ST6GAL1: variants seen among roughly 807,000 people sequenced by gnomAD.
The protein encoded by ST6GAL1 is ST6 beta-galactoside alpha-2,6-sialyltransferase 1.
A neutral mutation model predicts 38.0 loss-of-function variants in ST6GAL1; 20 were observed. The observed-to-expected ratio is 0.53, with a 90% CI of 0.37 to 0.77. ST6GAL1 has a LOEUF of 0.77. Ranked by LOEUF, ST6GAL1 falls within the 30% of genes least tolerant of loss-of-function variation. The probability of loss-of-function intolerance (pLI) is 0.00; values close to 1 mark genes in which losing one functional copy is unlikely to be tolerated. For synonymous variants in ST6GAL1, 196 were observed against 188.2 expected, an observed-to-expected ratio of 1.04 and a Z score of -0.34; for missense variants, 432 against 496.4, an observed-to-expected ratio of 0.87 and a Z score of 1.23.
At chr3:186,987,190 G>GGGAGGGAGGGAA (rs904511689) in intron 2 of ST6GAL1, among the ~76,000 whole-genome samples, 3 of 120,758 alleles carry the variant, frequency 2.5e-5, no homozygotes, top group Non-Finnish European at 5.2e-5. Context: ...CAGGGAGGGA[G>GGGAGGGAGGGAA]GGAGGGAGGG....
chr3:187,009,719 A>C (rs2108557820), intron 2 of ST6GAL1, among the ~76,000 whole-genome samples: 1 of 152,326 alleles, frequency 6.6e-6, no homozygotes, highest in South Asian at 2.1e-4. Context: ...ATCGTGACCC[A>C]TTGTGGCTGG....
At chr3:187,034,902 C>T (rs1260587026) in intron 2 of ST6GAL1, among the ~76,000 whole-genome samples, 5 of 152,100 alleles carry the variant, frequency 3.3e-5, no homozygotes, top group African/African-American at 1.2e-4. Context: ...AAGTGCTGTC[C>T]AGAGCAATCA....
chr3:187,071,555 C>T (rs995640094), intron 5 of ST6GAL1, among the ~76,000 whole-genome samples: 1 of 151,808 alleles, frequency 6.6e-6, no homozygotes, highest in African/African-American at 2.4e-5. Context: ...CGAGACCATC[C>T]TGGCTAACAA....
Position 186,945,715 on chromosome 3 carries a change from G to A in ST6GAL1, c.-325+14881G>A, listed in dbSNP as rs371614607. 3.1e-4 allele frequency among the ~76,000 whole-genome samples: 47 copies of A among 152,172 alleles called. 1 individual carries two copies. In the South Asian group the frequency reaches 9.8e-3, roughly 32 times the overall value. Reference sequence around the variant, plus strand: ...AAGTGTACCTTTTCCGGCTGGGCACGGTGGCTCATGCCTGTAATCTCAGCA... The same window carrying A: ...AAGTGTACCTTTTCCGGCTGGGCACAGTGGCTCATGCCTGTAATCTCAGCA... On this transcript the variant is annotated intron_variant, in intron 1 of 7. Coordinates refer to ENST00000169298, the MANE Select transcript of ST6GAL1 (RefSeq NM_173216.2).
At chr3:187,004,180 A>G (rs1716708727) in intron 2 of ST6GAL1, among the ~76,000 whole-genome samples, 1 of 152,200 alleles carries the variant, frequency 6.6e-6, no homozygotes, top group South Asian at 2.1e-4. Context: ...ACCTTCCACC[A>G]TAACTAAAAG....
At chr3:187,002,093 T>C (rs1716639931) in intron 2 of ST6GAL1, among the ~76,000 whole-genome samples, 1 of 152,200 alleles carries the variant, frequency 6.6e-6, no homozygotes, top group Non-Finnish European at 1.5e-5. Context: ...TTTTCTGTTA[T>C]GGTGTATTTT....
chr3:187,043,085 G>A lies in ST6GAL1; in HGVS notation c.382G>A (p.Gly128Arg), dbSNP rs2108580511. ...GAACAAGTACAAAGTGTCCTACAAG[G>A]GGCCAGGACCAGGCATCAAGTTCAG... ...SMNKYKVSYK[G>R]PGPGIKFSAE... Residue 128 changes from glycine to arginine, a missense_variant, in exon 4 of 8, where the codon GGG becomes AGG. By Grantham distance (125) the Gly-to-Arg change is moderately radical. Transcript: ENST00000169298. 6.2e-7 allele frequency: 1 copy of A among 1,614,194 alleles called. No individual in the cohort carries two copies. The highest frequency in any genetic ancestry group is 8.5e-7 in the Non-Finnish European group (1 of 1,180,034).
At chr3:187,002,778 T>C (rs1047972911) in intron 2 of ST6GAL1, among the ~76,000 whole-genome samples, 1 of 152,236 alleles carries the variant, frequency 6.6e-6, no homozygotes, top group Non-Finnish European at 1.5e-5. Context: ...TATGTGTGTG[T>C]GCATAATTAC....
intron 1 of ST6GAL1, among the ~76,000 whole-genome samples, chr3:186,931,886 A>T (rs1036803741): frequency 1.3e-5 from 2 of 152,160 alleles, no homozygotes; most frequent in Non-Finnish European, 2.9e-5. Flanking sequence ...CGAGGTCCGG[A>T]AAAAGAGAAC....
chr3:186,951,990 G>A (rs765532817), intron 1 of ST6GAL1, among the ~76,000 whole-genome samples: 4 of 152,188 alleles, frequency 2.6e-5, no homozygotes, highest in African/African-American at 4.8e-5. Flanking sequence ...ACTACTGTAT[G>A]AGTCCATGTT....
At chr3:186,948,841 GT>G (rs1714477911) in intron 1 of ST6GAL1, 1 of 152,584 alleles carries the variant, frequency 6.6e-6, no homozygotes, top group African/African-American at 2.4e-5. Flanking sequence ...ATGATGACTG[GT>G]TTCTCTGCAC....
At chr3:187,074,429 G>A (rs1217104012) in intron 7 of ST6GAL1, 96 bp downstream of exon 7, 7 of 1,330,102 alleles carry the variant, frequency 5.3e-6, no homozygotes, top group Admixed American at 2.9e-5. Context: ...TTGTTCATTT[G>A]TTCACTAAAC....
At chr3:187,021,506 G>A (rs1012184680) in intron 2 of ST6GAL1, among the ~76,000 whole-genome samples, 7 of 151,898 alleles carry the variant, frequency 4.6e-5, no homozygotes, top group South Asian at 2.1e-4. Flanking sequence ...TTGGGAGGCC[G>A]AGGTGGGTGG....
chr3:187,020,460 C>T (rs1322762794), intron 2 of ST6GAL1, among the ~76,000 whole-genome samples: 2 of 152,328 alleles, frequency 1.3e-5, no homozygotes, highest in East Asian at 3.9e-4. Flanking sequence ...AATTTGGTAA[C>T]ATCTATAAGA....
chr3:187,028,025 G>A (rs1717606421), intron 2 of ST6GAL1, among the ~76,000 whole-genome samples: 1 of 152,194 alleles, frequency 6.6e-6, no homozygotes, highest in African/African-American at 2.4e-5. Context: ...AGATCGTGGA[G>A]GTCCTTGTGA....
At chr3:187,045,990 A>G (rs1450436354) in intron 4 of ST6GAL1, among the ~76,000 whole-genome samples, 4 of 152,212 alleles carry the variant, frequency 2.6e-5, no homozygotes, top group African/African-American at 7.2e-5. Context: ...GAACGTTGAT[A>G]GTCACAATAA....
intron 5 of ST6GAL1, among the ~76,000 whole-genome samples, chr3:187,059,722 T>C (rs1475524028): frequency 6.6e-6 from 1 of 152,230 alleles, no homozygotes; most frequent in Non-Finnish European, 1.5e-5. Flanking sequence ...ACCTGGCACA[T>C]GTATCAATAA....
intron 3 of ST6GAL1, among the ~76,000 whole-genome samples, chr3:187,040,759 CT>C (rs1378647776): frequency 6.6e-6 from 1 of 152,228 alleles, no homozygotes; most frequent in Admixed American, 6.5e-5. Context: ...ATACAACAAG[CT>C]TCCACCCTTC....
chr3:187,048,667 G>C (rs1718392857), intron 4 of ST6GAL1, among the ~76,000 whole-genome samples: 3 of 152,110 alleles, frequency 2.0e-5, no homozygotes, highest in Admixed American at 2.0e-4. Context: ...TGTCTTTGTT[G>C]CTCACAGGCG....
Sources: allele counts gnomAD v4.1 joint callset (sites outside exome capture counted in the v4.1 genomes callset), GRCh38; gene constraint gnomAD v4.1.1; transcripts MANE v1.5; gene names NCBI Gene and HGNC (gene_info 2026-07-23, HGNC 2026-07-21).